Variants in ADAM17 observed in about 807,000 individuals in gnomAD.
ADAM17 encodes disintegrin and metalloproteinase domain-containing protein 17.
Under a neutral mutation model 96.7 loss-of-function variants are expected in ADAM17, and 39 were observed. The ratio of observed to expected loss-of-function variants is 0.40; its 90% confidence interval spans 0.31 to 0.53. The LOEUF (loss-of-function observed/expected upper bound fraction) is 0.53. Ranked by LOEUF, ADAM17 falls within the 20% of genes least tolerant of loss-of-function variation. The pLI is 0.44. For missense variants in ADAM17, 777 were observed against 1,013.2 expected, an observed-to-expected ratio of 0.77 and a Z score of 3.17; for synonymous variants, 344 against 359.2, an observed-to-expected ratio of 0.96 and a Z score of 0.48.
intron 8 of ADAM17, among the ~76,000 whole-genome samples, chr2:9,518,553 C>A (rs533107198): frequency 8.5e-5 from 13 of 152,300 alleles, no homozygotes; most frequent in Non-Finnish European, 1.8e-4. Flanking sequence ...TGAAGACATA[C>A]AGCCCAGGAC....
In ADAM17 at chr2:9,551,197, T is replaced by C. The variant is rs535091927; in HGVS notation, c.97+4312A>G. ...ACACGTCTAGTCATTAGCAGAACAC[T>C]GTCAAATGAAGTGAAACCAGTACAA... On this transcript the variant is annotated intron_variant, in intron 1 of 18. Coordinates refer to ENST00000310823, the MANE Select transcript of ADAM17 (RefSeq NM_003183.6). Among the ~76,000 whole-genome samples the C allele has an allele frequency of 1.3e-4, 19 of 150,182 alleles. No individual in the cohort carries two copies. In the South Asian group the frequency reaches 4.0e-3, roughly 32 times the overall value.
chr2:9,552,310 TTC>T (rs370281988), intron 1 of ADAM17, among the ~76,000 whole-genome samples: 41 of 152,342 alleles, frequency 2.7e-4, no homozygotes, highest in African/African-American at 9.1e-4. Context: ...TCTCTCCAGT[TTC>T]CCCATCACAA....
chr2:9,511,526 A>T (rs1055782664), intron 10 of ADAM17, among the ~76,000 whole-genome samples: 4 of 152,220 alleles, frequency 2.6e-5, no homozygotes, highest in Non-Finnish European at 5.9e-5. Context: ...TTCATGTCCA[A>T]TAACAATCTT....
At chr2:9,523,464 G>T in intron 6 of ADAM17, 126 bp from the exon 7 acceptor site, 2 of 704,348 alleles carry the variant, frequency 2.8e-6, no homozygotes, top group Non-Finnish European at 2.3e-6. Flanking sequence ...TTCTACTTTC[G>T]CAAAAACTAG....
rs770336510 is a variant in ADAM17, at chr2:9,521,287, T to C, written c.873A>G (p.Val291=). ...QIRILKSPQE[V]KPGEKHYNMA... ...TGTTGTAGTGCTTTTCACCAGGTTT[T>C]ACCTCTTGTGGAGACTTGAGAATGC... Residue 291 remains valine (V), a synonymous_variant, in exon 8 of 19, where the codon GTA becomes GTG. Coordinates refer to ENST00000310823, the MANE Select transcript of ADAM17 (RefSeq NM_003183.6). 1.9e-6 allele frequency: 3 copies of C among 1,611,046 alleles called. No individual in the cohort carries two copies.
At chr2:9,540,338 T>A (rs1665157744) in intron 2 of ADAM17, among the ~76,000 whole-genome samples, 1 of 152,110 alleles carries the variant, frequency 6.6e-6, no homozygotes, top group African/African-American at 2.4e-5. Context: ...TATCTGTCAT[T>A]TACTAGCTGA....
At position 9,488,604 on chromosome 2, in the gene ADAM17, A is replaced by G. The variant is rs1429347272; in HGVS notation, c.*1573T>C. The G allele has an allele frequency of 3.7e-6, 1 of 270,572 alleles. No individual in the cohort carries two copies. Among genetic ancestry groups the G allele is most frequent in the Admixed American group, 5.1e-5 (1 of 19,666 alleles). The allele number at this position is 270,572 out of a possible 1,614,324, so 16.8% of individuals were successfully genotyped here. On this transcript the variant is annotated 3_prime_UTR_variant, in exon 19 of 19. Transcript: ENST00000310823. ...TATGTTTTTAAAAAGTCACAATTTT[A>G]TAAAAATGGTTTTTCTTACATTCTT...
At chr2:9,499,747 C>T (rs1323444466) in intron 13 of ADAM17, among the ~76,000 whole-genome samples, 1 of 151,938 alleles carries the variant, frequency 6.6e-6, no homozygotes, top group South Asian at 2.1e-4. Flanking sequence ...GTGACAGATC[C>T]CAAAAGATAA....
At chr2:9,491,372 C>T (rs776278353) in intron 17 of ADAM17, among the ~76,000 whole-genome samples, 19 of 152,154 alleles carry the variant, frequency 1.2e-4, no homozygotes, top group Non-Finnish European at 2.6e-4. Context: ...TACATTTTGG[C>T]GTTAAGTACA....
Position 9,490,175 on chromosome 2 carries a change from A to T in ADAM17, c.*2T>A. On this transcript the variant is annotated 3_prime_UTR_variant, in exon 19 of 19. Transcript: ENST00000310823. ...CTTAAGTCAGAAGAGCTGAGAACTA[A>T]ATTAGCACTCTGTTTCTTTGCTGTC... 6.3e-7 allele frequency: 1 copy of T among 1,589,870 alleles called. No homozygotes were observed. The highest frequency in any genetic ancestry group is 8.6e-7 in the Non-Finnish European group (1 of 1,160,818).
Position 9,490,256 on chromosome 2 carries a change from G to C in ADAM17, c.2396C>G (p.Pro799Arg). ...AKSFEDLTDHPVTRSEKAASF... is the reference protein window; with the variant it reads ...AKSFEDLTDHRVTRSEKAASF... ...GGCAGCCTTTTCACTTCTGGTGACC[G>C]GATGGTCCGTGAGATCCTCAAATGA... The change falls in exon 19 of 19, where the codon CCG becomes CGG. Residue 799 changes from proline (P) to arginine (R), a missense_variant. By Grantham distance (103) the Pro-to-Arg change is moderately radical (BLOSUM62 -2). Around this residue, in one of 3 missense-constraint regions of ADAM17, gnomAD observed 197 missense variants for 219.4 expected, o/e 0.90. Transcript: ENST00000310823. 6.2e-7 allele frequency: 1 copy of C among 1,612,724 alleles called. No homozygotes were observed. Among genetic ancestry groups the C allele is most frequent in the Non-Finnish European group, 8.5e-7 (1 of 1,178,744 alleles).
chr2:9,537,994 G>A (rs1437331211), intron 2 of ADAM17, among the ~76,000 whole-genome samples: 4 of 67,374 alleles, frequency 5.9e-5, no homozygotes, highest in Non-Finnish European at 9.3e-5. Flanking sequence ...GGGGAAGGGA[G>A]GGGAGGGGAA....
intron 3 of ADAM17, 53 bp from the exon 4 acceptor site, chr2:9,535,975 C>T: frequency 8.3e-7 from 1 of 1,207,232 alleles, no homozygotes; most frequent in Non-Finnish European, 1.1e-6. Flanking sequence ...AAATAAGAAA[C>T]TATGCATTAC....
intron 17 of ADAM17, 114 bp downstream of exon 17, chr2:9,492,784 A>G: frequency 1.2e-6 from 1 of 811,106 alleles, no homozygotes; most frequent in Non-Finnish European, 1.9e-6. Flanking sequence ...AAGCTATTGG[A>G]AATATCAGGC....
intron 14 of ADAM17, among the ~76,000 whole-genome samples, chr2:9,495,670 C>T (rs1007917376): frequency 8.6e-5 from 13 of 151,034 alleles, no homozygotes; most frequent in South Asian, 4.2e-4. Context: ...CCTGAGATCG[C>T]GCCACTGCAC....
At chr2:9,541,399 C>T (rs1275136929) in intron 2 of ADAM17, among the ~76,000 whole-genome samples, 1 of 152,058 alleles carries the variant, frequency 6.6e-6, no homozygotes, top group African/African-American at 2.4e-5. Context: ...CTCATCTCTA[C>T]TAAAAATACA....
In ADAM17 at chr2:9,489,863, G is replaced by GATTA. The variant is rs1387387182; in HGVS notation, c.*310_*313dup. ...AGTCAGTGCTGTTATCAATATAAAA[G>GATTA]ATTAATTTACAAAAACGTAAATATT... On this transcript the variant is annotated 3_prime_UTR_variant, in exon 19 of 19. Coordinates refer to ENST00000310823, the MANE Select transcript of ADAM17 (RefSeq NM_003183.6). The GATTA allele has an allele frequency of 8.8e-6, 2 of 226,770 alleles. No homozygotes were observed. Among genetic ancestry groups the GATTA allele is most frequent in the East Asian group, 8.1e-5 (1 of 12,336 alleles). The allele number at this position is 226,770 out of a possible 1,614,324, so 14.0% of individuals were successfully genotyped here.
At chr2:9,491,525 A>AACTGGTAGGAAGACCC (rs1203740778) in intron 17 of ADAM17, among the ~76,000 whole-genome samples, 1 of 152,240 alleles carries the variant, frequency 6.6e-6, no homozygotes, top group Admixed American at 6.5e-5. Context: ...CTGGAAGGGC[A>AACTGGTAGGAAGACCC]ACTGGTAGGA....
rs530583005 is a variant in ADAM17 at position 9,552,018 on chromosome 2, T to C, written c.97+3491A>G. Among the ~76,000 whole-genome samples the C allele has an allele frequency of 2.0e-5, 3 of 152,372 alleles. No homozygotes were observed. In the East Asian group the frequency reaches 5.8e-4, roughly 29 times the overall value. ...GTGTTAGGGGTAATGTGTGCTGTCATGCCAGCATTCAAAAAGTTTCAAATT... is the reference window on the plus strand; with the variant it reads ...GTGTTAGGGGTAATGTGTGCTGTCACGCCAGCATTCAAAAAGTTTCAAATT... On this transcript the variant is annotated intron_variant, in intron 1 of 18. Coordinates refer to ENST00000310823, the MANE Select transcript of ADAM17 (RefSeq NM_003183.6).
Sources: gnomAD v4.1 joint callset for allele counts (sites outside exome capture counted in the v4.1 genomes callset) on GRCh38, gnomAD v4.1.1 for gene constraint, gnomAD v4.1.1 regional missense constraint, MANE v1.5 for transcripts, NCBI Gene and HGNC (gene_info 2026-07-23, HGNC 2026-07-21) for gene names.